The following OPA1 variants were observed in gnomAD, a reference collection of about 807,000 sequenced individuals.
The protein encoded by OPA1 is dynamin-like GTPase OPA1, mitochondrial.
In OPA1, 59 loss-of-function variants were observed where a neutral mutation model predicts 152.9. The observed-to-expected ratio is 0.39, with a 90% CI of 0.31 to 0.48. The LOEUF (loss-of-function observed/expected upper bound fraction) is 0.48, where lower values mean the gene tolerates loss of function less well. OPA1 is among the 20% of genes least tolerant of loss of function. The pLI is 0.96. For synonymous variants in OPA1, 400 were observed against 389.9 expected, an observed-to-expected ratio of 1.03 and a Z score of -0.31; for missense variants, 1,008 against 1,216.8, an observed-to-expected ratio of 0.83 and a Z score of 2.55.
chr3:193,641,763 G>A (rs761919877), intron 11 of OPA1, among the ~76,000 whole-genome samples: 1 of 152,216 alleles, frequency 6.6e-6, no homozygotes, highest in Non-Finnish European at 1.5e-5. Context: ...AGCTAGAAAG[G>A]TGTCAATTAG....
intron 8 of OPA1, 158 bp downstream of exon 8, chr3:193,631,823 TA>T: frequency 1.5e-6 from 1 of 674,224 alleles, no homozygotes; most frequent in Non-Finnish European, 2.7e-6. Flanking sequence ...AATTGAGAAA[TA>T]AGGAATAAAG....
intron 1 of OPA1, among the ~76,000 whole-genome samples, chr3:193,605,874 C>A (rs1370650142): frequency 6.6e-6 from 1 of 152,156 alleles, no homozygotes; most frequent in African/African-American, 2.4e-5. Context: ...GACCTTTTTA[C>A]TCTAAGGGAT....
At chr3:193,601,525 T>C (rs1186614363) in intron 1 of OPA1, among the ~76,000 whole-genome samples, 5 of 152,198 alleles carry the variant, frequency 3.3e-5, no homozygotes, top group Non-Finnish European at 5.9e-5. Flanking sequence ...TGTTCGACCA[T>C]GAATCTGTAG....
chr3:193,619,316 A>G (rs1292930503), intron 6 of OPA1, among the ~76,000 whole-genome samples: 3 of 152,222 alleles, frequency 2.0e-5, no homozygotes, highest in Non-Finnish European at 4.4e-5. Context: ...GAGTCAAAGC[A>G]TACAGTGTTT....
chr3:193,672,487 A>G (rs971554129), intron 29 of OPA1, among the ~76,000 whole-genome samples: 7 of 152,140 alleles, frequency 4.6e-5, no homozygotes, highest in Non-Finnish European at 5.9e-5. Flanking sequence ...AGCCTGTTAC[A>G]CTTTTTATTC....
chr3:193,603,121 T>C (rs1000513859), intron 1 of OPA1, among the ~76,000 whole-genome samples: 3 of 152,204 alleles, frequency 2.0e-5, no homozygotes, highest in African/African-American at 7.2e-5. Flanking sequence ...CCCACCAGTA[T>C]TTTTTCATAA....
intron 29 of OPA1, among the ~76,000 whole-genome samples, chr3:193,683,062 G>A (rs1407189905): frequency 6.6e-6 from 1 of 152,188 alleles, no homozygotes; most frequent in African/African-American, 2.4e-5. Flanking sequence ...TTCATGGGAG[G>A]AGGTCAGAAT....
At chr3:193,601,376 A>G (rs1726432393) in intron 1 of OPA1, among the ~76,000 whole-genome samples, 1 of 152,222 alleles carries the variant, frequency 6.6e-6, no homozygotes, top group African/African-American at 2.4e-5. Flanking sequence ...AGGCAGGAGC[A>G]GGCCAGGCCA....
Position 193,637,179 on chromosome 3 carries a change from T to C in OPA1, c.949-16T>C. On this transcript the variant is annotated splice_polypyrimidine_tract_variant and intron_variant, in intron 9 of 30. Transcript: ENST00000361510. ...CTTTTACTGTTTTATATTATAACTT[T>C]TTAAAATTTTTACAGAAATCTTTGA... is the stretch of plus-strand genomic sequence containing the variant. The C allele has an allele frequency of 6.8e-7, 1 of 1,473,800 alleles. No homozygotes were observed. The highest frequency in any genetic ancestry group is 9.4e-7 in the Non-Finnish European group (1 of 1,063,994). 91.3% of individuals were successfully genotyped at this position (1,473,800 alleles called of 1,614,324 possible).
Position 193,662,943 on chromosome 3 carries a change from T to G in OPA1, c.2642T>G (p.Val881Gly), listed in dbSNP as rs1715634849. 3.1e-6 allele frequency: 5 copies of G among 1,613,166 alleles called. No homozygotes were observed. The highest frequency in any genetic ancestry group is 4.2e-6 in the Non-Finnish European group (5 of 1,179,546). ...TVRKNLESRGVEVDPSLIKDT... is the reference protein window; with the variant it reads ...TVRKNLESRGGEVDPSLIKDT... Reference sequence around the variant, plus strand: ...CGGAAGAACCTTGAATCCCGAGGAGTAGAAGTAGATCCAAGCTTGGTAATA... The same window carrying G: ...CGGAAGAACCTTGAATCCCGAGGAGGAGAAGTAGATCCAAGCTTGGTAATA... The change falls in exon 26 of 31, where the codon GTA (valine) becomes GGA (glycine). Residue 881 changes from valine (V) to glycine (G), a missense_variant. This residue lies in a region of OPA1 where 137 missense variants were observed against 171.0 expected (regional missense o/e 0.80). Coordinates refer to ENST00000361510, the MANE Select transcript of OPA1 (RefSeq NM_130837.3).
chr3:193,593,321 C>T lies in OPA1; in HGVS notation c.-57C>T, dbSNP rs1167388939. 5.2e-6 allele frequency: 8 copies of T among 1,524,110 alleles called. No individual in the cohort carries two copies. Among genetic ancestry groups the T allele is most frequent in the Non-Finnish European group, 7.1e-6 (8 of 1,132,834 alleles). 94.4% of individuals were successfully genotyped at this position (1,524,110 alleles called of 1,614,324 possible). Reference sequence around the variant, plus strand: ...CTGGACCGGGAGCCGGGCTGGGGCTCACACGGGGGCTCCCGCGTGGCCGTC... The same window carrying T: ...CTGGACCGGGAGCCGGGCTGGGGCTTACACGGGGGCTCCCGCGTGGCCGTC... On this transcript the variant is annotated 5_prime_UTR_variant, in exon 1 of 31. Transcript: ENST00000361510.
chr3:193,680,984 A>T (rs1018055316), intron 29 of OPA1, among the ~76,000 whole-genome samples: 4 of 152,284 alleles, frequency 2.6e-5, no homozygotes, highest in Non-Finnish European at 4.4e-5. Flanking sequence ...TTCAGAGTAA[A>T]TCATTGTAAT....
chr3:193,620,098 C>T (rs1729783213), intron 6 of OPA1, among the ~76,000 whole-genome samples: 1 of 152,114 alleles, frequency 6.6e-6, no homozygotes, highest in Non-Finnish European at 1.5e-5. Context: ...AGAAATTAGC[C>T]TAATAGTTGT....
chr3:193,637,386 T>C (rs1171596364), intron 10 of OPA1, 105 bp downstream of exon 10: 1 of 608,118 alleles, frequency 1.6e-6, no homozygotes, highest in Non-Finnish European at 3.0e-6. Context: ...ATATACATAC[T>C]AGATGTAGGC....
intron 8 of OPA1, among the ~76,000 whole-genome samples, chr3:193,634,280 TACA>T (rs1355617293): frequency 3.5e-4 from 38 of 108,250 alleles, no homozygotes; most frequent in African/African-American, 1.4e-3. Context: ...AGCAACTACT[TACA>T]AAAAAAAAAC....
intron 7 of OPA1, among the ~76,000 whole-genome samples, chr3:193,627,074 T>C (rs1731265207): frequency 6.6e-6 from 1 of 152,212 alleles, no homozygotes; most frequent in African/African-American, 2.4e-5. Flanking sequence ...TTTGAAGTTA[T>C]ATACAAATGC....
chr3:193,644,723 G>A (rs1257183007), intron 16 of OPA1, among the ~76,000 whole-genome samples: 1 of 152,114 alleles, frequency 6.6e-6, no homozygotes, highest in Non-Finnish European at 1.5e-5. Flanking sequence ...GAGAAGTGAG[G>A]TAGAAACAAA....
rs777947380 is a variant in OPA1, at chr3:193,655,003, A to C, written c.2154A>C (p.Lys718Asn). 9 of 1,613,812 alleles carry C rather than the reference A, an allele frequency of 5.6e-6. No individual in the cohort carries two copies. Among genetic ancestry groups the C allele is most frequent in the South Asian group, 5.5e-5 (5 of 91,080 alleles). ...TCAAGCTTAAACAGTGGACTGATAA[A>C]CAACTTCCTAATAAAGCAGTAGAGG... ...VDIKLKQWTDKQLPNKAVEVA... is the reference protein window; with the variant it reads ...VDIKLKQWTDNQLPNKAVEVA... Residue 718 changes from lysine to asparagine, a missense_variant, in exon 22 of 31, where the codon AAA (lysine) becomes AAC (asparagine). Lys to Asn is a moderately conservative substitution (Grantham distance 94). Coordinates refer to ENST00000361510, the MANE Select transcript of OPA1 (RefSeq NM_130837.3).
intron 29 of OPA1, among the ~76,000 whole-genome samples, chr3:193,676,831 T>A (rs565469886): frequency 1.1e-4 from 17 of 151,646 alleles, no homozygotes; most frequent in South Asian, 4.2e-4. Flanking sequence ...ATACAAAAAA[T>A]TTAGCCAGGC....
Sources: gnomAD v4.1 joint callset for allele counts (sites outside exome capture counted in the v4.1 genomes callset) on GRCh38, gnomAD v4.1.1 for gene constraint, gnomAD v4.1.1 regional missense constraint, MANE v1.5 for transcripts, NCBI Gene and HGNC (gene_info 2026-07-23, HGNC 2026-07-21) for gene names.